The following HFM1 variants were observed in gnomAD, a reference collection of about 807,000 sequenced individuals.
The protein encoded by HFM1 is helicase for meiosis 1.
A neutral mutation model predicts 192.1 loss-of-function variants in HFM1; 169 were observed. The ratio of observed to expected loss-of-function variants is 0.88; its 90% confidence interval spans 0.78 to 1.00. The LOEUF (loss-of-function observed/expected upper bound fraction) is 1.00. Among genes scored for constraint, HFM1 ranks in the 50% least tolerant of loss-of-function variants. The pLI is 0.00. For synonymous variants in HFM1, 525 were observed against 537.8 expected (o/e 0.98, Z 0.33); for missense variants, 1,661 against 1,668.0 (o/e 1.00, Z 0.07).
At chr1:91,312,835 G>A (rs573260984) in intron 30 of HFM1, among the ~76,000 whole-genome samples, 1 of 152,278 alleles carries the variant, frequency 6.6e-6, no homozygotes, top group South Asian at 2.1e-4. Flanking sequence ...ATTCCCATGT[G>A]TTGTGGGAGG....
At chr1:91,263,374 A>T (rs1469620466) in intron 36 of HFM1, among the ~76,000 whole-genome samples, 1 of 152,160 alleles carries the variant, frequency 6.6e-6, no homozygotes, top group Non-Finnish European at 1.5e-5. Flanking sequence ...ATATACTGAT[A>T]GAATTGGATC....
At chr1:91,304,716 T>A (rs766385796) in intron 30 of HFM1, among the ~76,000 whole-genome samples, 10 of 151,564 alleles carry the variant, frequency 6.6e-5, no homozygotes, top group Non-Finnish European at 1.3e-4. Context: ...TGACCTCAGG[T>A]GATCCACCCA....
intron 35 of HFM1, 82 bp from the exon 36 acceptor site, chr1:91,266,189 C>A: frequency 9.6e-7 from 1 of 1,036,600 alleles, no homozygotes. Context: ...AACGTTCTCT[C>A]CAACAGATAT....
intron 34 of HFM1, 56 bp downstream of exon 34, chr1:91,273,656 A>T: frequency 1.1e-6 from 1 of 894,274 alleles, no homozygotes; most frequent in Admixed American, 2.0e-5. Context: ...CTACTCGTCA[A>T]TTCAAAGTAA....
intron 10 of HFM1, 93 bp downstream of exon 10, chr1:91,378,310 C>T (rs186837895): frequency 1.6e-6 from 2 of 1,262,268 alleles, no homozygotes; most frequent in East Asian, 2.4e-5. Flanking sequence ...AGGGATAAAA[C>T]AAACATATAG....
intron 20 of HFM1, among the ~76,000 whole-genome samples, chr1:91,330,050 A>G (rs1266219284): frequency 1.3e-5 from 2 of 152,088 alleles, no homozygotes; most frequent in African/African-American, 2.4e-5. Context: ...GACTGTGTCT[A>G]TGTCTGTGAC....
At chr1:91,354,536 C>T (rs1657449235) in intron 13 of HFM1, among the ~76,000 whole-genome samples, 1 of 152,050 alleles carries the variant, frequency 6.6e-6, no homozygotes, top group Non-Finnish European at 1.5e-5. Flanking sequence ...CTCACTGAGG[C>T]ACATTATAAC....
chr1:91,381,187 T>C (rs1455099358), intron 6 of HFM1, among the ~76,000 whole-genome samples: 2 of 152,178 alleles, frequency 1.3e-5, no homozygotes, highest in Non-Finnish European at 2.9e-5. Flanking sequence ...ATTTGCAAAG[T>C]TCTTATAGGG....
At chr1:91,263,855 ATCT>A (rs1176561863) in intron 36 of HFM1, among the ~76,000 whole-genome samples, 18 of 152,120 alleles carry the variant, frequency 1.2e-4, no homozygotes, top group Non-Finnish European at 4.4e-5. Context: ...AAGCCCACAC[ATCT>A]TCTGTTGGTC....
intron 13 of HFM1, among the ~76,000 whole-genome samples, chr1:91,362,857 C>G (rs1658701817): frequency 6.6e-6 from 1 of 152,008 alleles, no homozygotes; most frequent in African/African-American, 2.4e-5. Context: ...GAATAGAGAA[C>G]CCAGAAATAA....
rs1378682211 is a variant in HFM1 at position 91,260,946 on chromosome 1, C to T, written c.*344G>A. ...TTTGCTTTCATAGAATATTTTTCTT[C>T]TTGTTAAGAAAATATAAAAATGAAA... On this transcript the variant is annotated 3_prime_UTR_variant, in exon 39 of 39. Transcript: ENST00000370425. The T allele has an allele frequency of 8.8e-5, 14 of 159,808 alleles. No individual in the cohort carries two copies. The highest frequency in any genetic ancestry group is 3.2e-4 in the Admixed American group (5 of 15,476). The allele number at this position is 159,808 out of a possible 1,614,324, so 9.9% of individuals were successfully genotyped here. A position where few individuals can be genotyped will look rare whatever the true frequency, so the allele number is the denominator to read the frequency against.
At chr1:91,337,814 C>A (rs1381689280) in intron 20 of HFM1, among the ~76,000 whole-genome samples, 1 of 152,158 alleles carries the variant, frequency 6.6e-6, no homozygotes, top group East Asian at 1.9e-4. Context: ...AGAATCTGAC[C>A]ATGTCAGCAC....
chr1:91,379,247 C>G (rs1468018686), intron 8 of HFM1, 33 bp from the exon 9 acceptor site: 3 of 1,542,028 alleles, frequency 1.9e-6, no homozygotes, highest in Non-Finnish European at 2.6e-6. Context: ...CTTTGAACAT[C>G]AGTTCAATTT....
At chr1:91,407,772 T>A (rs1018108744), upstream of HFM1, among the ~76,000 whole-genome samples, 3 of 152,256 alleles carry the variant, frequency 2.0e-5, no homozygotes, top group Non-Finnish European at 4.4e-5. Context: ...TTTGGATATG[T>A]ACCTAGGAGT....
At chr1:91,300,070 A>G (rs1358223421) in intron 30 of HFM1, among the ~76,000 whole-genome samples, 1 of 152,112 alleles carries the variant, frequency 6.6e-6, no homozygotes, top group Non-Finnish European at 1.5e-5. Context: ...GAGAAGAATC[A>G]AATAGACACA....
intron 30 of HFM1, among the ~76,000 whole-genome samples, chr1:91,303,211 A>T (rs1649106437): frequency 6.6e-6 from 1 of 152,070 alleles, no homozygotes; most frequent in Non-Finnish European, 1.5e-5. Context: ...ACAACCACTA[A>T]TCTACTTTAT....
chr1:91,402,321 A>C (rs1363590638), intron 1 of HFM1, among the ~76,000 whole-genome samples: 1 of 152,122 alleles, frequency 6.6e-6, no homozygotes, highest in Non-Finnish European at 1.5e-5. Context: ...CTGTATATAT[A>C]CTTCAGGGCT....
At chr1:91,323,256 C>G in intron 21 of HFM1, 57 bp from the exon 22 acceptor site, 1 of 896,530 alleles carries the variant, frequency 1.1e-6, no homozygotes, top group Non-Finnish European at 1.8e-6. Flanking sequence ...TTCCTCTCAT[C>G]CTTTCTCCAA....
At position 91,314,033 on chromosome 1, in the gene HFM1, A is replaced by C; in HGVS notation, c.3168T>G (p.Ser1056Arg). 6.2e-7 allele frequency: 1 copy of C among 1,609,510 alleles called. No homozygotes were observed. Among genetic ancestry groups the C allele is most frequent in the East Asian group, 2.2e-5 (1 of 44,646 alleles). Residue 1056 changes from serine (S) to arginine (R), a missense_variant, in exon 29 of 39, where the codon AGT becomes AGG. By Grantham distance (110) the Ser-to-Arg change is moderately radical. Transcript: ENST00000370425. ...TTTTCACAGCAATCTTTTTAGCCCA[A>C]CTTCCAGCTTTTAGCAAAACAGAAT... ...ITDSVLLKAG[S>R]WAKKIAVKRA... is the part of the protein sequence containing the mutation.
Sources: gnomAD v4.1 joint callset for allele counts (sites outside exome capture counted in the v4.1 genomes callset) on GRCh38, gnomAD v4.1.1 for gene constraint, MANE v1.5 for transcripts, NCBI Gene and HGNC (gene_info 2026-07-23, HGNC 2026-07-21) for gene names.